Variants in CYP1B1 observed in about 807,000 individuals in gnomAD.
CYP1B1 encodes cytochrome P450 1B1.
A neutral mutation model predicts 29.9 loss-of-function variants in CYP1B1; 22 were observed. The ratio of observed to expected loss-of-function variants is 0.74; its 90% CI spans 0.53 to 1.05. The LOEUF is 1.05. CYP1B1 is among the 50% of genes least tolerant of loss of function. CYP1B1 has a pLI of 0.00. For missense variants in CYP1B1, 883 were observed against 746.9 expected (o/e 1.18, Z -2.12); for synonymous variants, 375 against 320.0 (o/e 1.17, Z -1.83).
chr2:38,068,661 A>C lies in CYP1B1; in HGVS notation c.*2061T>G. On this transcript the variant is annotated 3_prime_UTR_variant, in exon 3 of 3. Transcript: ENST00000610745. ...AATACTGGCATGATTTTTTATATTC[A>C]AGAAGTACAGCTATGAAATTTTAAA... 2 of 225,670 alleles carry C rather than the reference A, an allele frequency of 8.9e-6. No homozygotes were observed. Among genetic ancestry groups the C allele is most frequent in the Non-Finnish European group, 1.8e-5 (2 of 112,944 alleles). 14.0% of individuals were successfully genotyped at this position (225,670 alleles called of 1,614,324 possible). A position where few individuals can be genotyped will look rare whatever the true frequency, so the allele number is the denominator to read the frequency against.
At position 38,068,436 on chromosome 2, in the gene CYP1B1, G is replaced by A. The variant is rs1400107998; in HGVS notation, c.*2286C>T. ...AACAGATTATAGCACATCTGGACCT[G>A]GTTGACATAATGAGGCATCCAGATT... On this transcript the variant is annotated 3_prime_UTR_variant, in exon 3 of 3. Transcript: ENST00000610745. 4.4e-6 allele frequency: 1 copy of A among 226,702 alleles called. No homozygotes were observed. Among genetic ancestry groups the A allele is most frequent in the African/African-American group, 2.2e-5 (1 of 44,870 alleles). The allele number at this position is 226,702 out of a possible 1,614,324, so 14.0% of individuals were successfully genotyped here.
intron 1 of CYP1B1, 36 bp from the exon 2 acceptor site, chr2:38,075,425 G>T (rs773781721): frequency 1.3e-5 from 21 of 1,602,568 alleles, no homozygotes; most frequent in Middle Eastern, 2.2e-4. Flanking sequence ...ACACTCAGGG[G>T]TGCAGAGACA....
At chr2:38,072,087 A>G (rs1291563775) in intron 2 of CYP1B1, among the ~76,000 whole-genome samples, 1 of 152,260 alleles carries the variant, frequency 6.6e-6, no homozygotes, top group African/African-American at 2.4e-5. Context: ...TCTTTTTAAA[A>G]AACAAAATCT....
Position 38,068,011 on chromosome 2 carries a change from T to C in CYP1B1, c.*2711A>G, listed in dbSNP as rs1162818833. On this transcript the variant is annotated 3_prime_UTR_variant, in exon 3 of 3. Transcript: ENST00000610745. The stretch of plus-strand genomic sequence containing the variant: ...CTAAGTTCTGGGACATGAAAGCTTT[T>C]AGAAAATTCACAAAACAAACCTGAG... The C allele has an allele frequency of 5.0e-6, 1 of 199,412 alleles. No individual in the cohort carries two copies. The highest frequency in any genetic ancestry group is 1.0e-5 in the Non-Finnish European group (1 of 96,278). 12.4% of individuals were successfully genotyped at this position (199,412 alleles called of 1,614,324 possible). A position where few individuals can be genotyped will look rare whatever the true frequency, so the allele number is the denominator to read the frequency against.
chr2:38,071,447 T>TG, intron 2 of CYP1B1, 137 bp from the exon 3 acceptor site: 1 of 817,976 alleles, frequency 1.2e-6, no homozygotes. Context: ...TTAATATTTC[T>TG]GGGAAAAAAA....
rs1243178395 is a variant in CYP1B1, at chr2:38,075,056, G to A, written c.333C>T (p.Gly111=). The A allele has an allele frequency of 6.3e-7, 1 of 1,586,070 alleles. No individual in the cohort carries two copies. The highest frequency in any genetic ancestry group is 1.1e-5 in the South Asian group (1 of 89,188). The stretch of plus-strand genomic sequence containing the variant: ...AGGCCGGCCGGTCGGCGAAGGCCGA[G>A]CCCTGCTGCACCAGGGCCTGGTGGA... ...RAIHQALVQQ[G]SAFADRPAFA... The change falls in exon 2 of 3, where the codon GGC becomes GGT. Residue 111 remains glycine (G), a synonymous_variant. Transcript: ENST00000610745.
At position 38,075,074 on chromosome 2, in the gene CYP1B1, C is replaced by T; in HGVS notation, c.315G>A (p.Gln105=). ...AGGCCGAGCCCTGCTGCACCAGGGC[C>T]TGGTGGATGGCGCGCTCGCCATTCA... ...VVLNGERAIH[Q]ALVQQGSAFA... is the part of the protein sequence containing the mutation. The change falls in exon 2 of 3, where the codon CAG becomes CAA. Residue 105 remains glutamine, a synonymous_variant. Coordinates refer to ENST00000610745, the MANE Select transcript of CYP1B1 (RefSeq NM_000104.4). The T allele has an allele frequency of 6.3e-7, 1 of 1,583,166 alleles. No homozygotes were observed.
rs1328581621 is a variant in CYP1B1 at position 38,074,693 on chromosome 2, C to T, written c.696G>A (p.Gly232=). Residue 232 remains glycine, a synonymous_variant, in exon 2 of 3, where the codon GGG becomes GGA. Transcript: ENST00000610745. The part of the protein sequence containing the change: ...RELLSHNEEF[G]RTVGAGSLVD... ...CCAGGCTGCCCGCGCCCACCGTGCGCCCGAACTCTTCGTTGTGGCTGAGCA... is the reference window on the plus strand; with the variant it reads ...CCAGGCTGCCCGCGCCCACCGTGCGTCCGAACTCTTCGTTGTGGCTGAGCA... 1 of 1,612,626 alleles carries T rather than the reference C, an allele frequency of 6.2e-7. No individual in the cohort carries two copies. The highest frequency in any genetic ancestry group is 1.3e-5 in the African/African-American group (1 of 74,948).
chr2:38,068,688 T>C lies in CYP1B1; in HGVS notation c.*2034A>G. ...GAAGTACAGCTATGAAATTTTAAAA[T>C]AAAATTACATGAAGTTTTTTAATAT... is the stretch of plus-strand genomic sequence containing the variant. On this transcript the variant is annotated 3_prime_UTR_variant, in exon 3 of 3. Coordinates refer to ENST00000610745, the MANE Select transcript of CYP1B1 (RefSeq NM_000104.4). 4.5e-6 allele frequency: 1 copy of C among 224,116 alleles called. No individual in the cohort carries two copies. The highest frequency in any genetic ancestry group is 8.9e-6 in the Non-Finnish European group (1 of 111,878). The allele number at this position is 224,116 out of a possible 1,614,324, so 13.9% of individuals were successfully genotyped here. A position where few individuals can be genotyped will look rare whatever the true frequency, so the allele number is the denominator to read the frequency against.
At position 38,068,126 on chromosome 2, in the gene CYP1B1, T is replaced by C; in HGVS notation, c.*2596A>G. The C allele has an allele frequency of 4.8e-6, 1 of 207,258 alleles. No homozygotes were observed. The highest frequency in any genetic ancestry group is 7.4e-5 in the East Asian group (1 of 13,604). 12.8% of individuals were successfully genotyped at this position (207,258 alleles called of 1,614,324 possible). ...GCATTTAATAAACATTATACTTTATTGCAATAACCTGGAGTAAAACTTCTG... is the reference window on the plus strand; with the variant it reads ...GCATTTAATAAACATTATACTTTATCGCAATAACCTGGAGTAAAACTTCTG... On this transcript the variant is annotated 3_prime_UTR_variant, in exon 3 of 3. Transcript: ENST00000610745.
rs973495853 is a variant in CYP1B1 at position 38,069,495 on chromosome 2, C to T, written c.*1227G>A. 1.0e-5 allele frequency: 2 copies of T among 199,554 alleles called. No individual in the cohort carries two copies. The highest frequency in any genetic ancestry group is 4.6e-5 in the African/African-American group (2 of 43,418). 12.4% of individuals were successfully genotyped at this position (199,554 alleles called of 1,614,324 possible). On this transcript the variant is annotated 3_prime_UTR_variant, in exon 3 of 3. Transcript: ENST00000610745. ...AAAATTTAGTTAAAATTTAAGCATG[C>T]CATGAATTTGGAATTTTAATATATT... is the stretch of plus-strand genomic sequence containing the variant.
chr2:38,070,518 A>AG lies in CYP1B1; in HGVS notation c.*203_*204insC. ...CCCTTTAAGTCTTTGACTCAAAAAA[A>AG]TCTCCCAGAAGCTCCTGCATAGCCC... On this transcript the variant is annotated 3_prime_UTR_variant, in exon 3 of 3. Transcript: ENST00000610745. 1.0e-5 allele frequency: 6 copies of AG among 596,396 alleles called. No individual in the cohort carries two copies. The South Asian group carries it at 1.0e-4, about 10-fold the overall frequency. The allele number at this position is 596,396 out of a possible 1,614,324, so 36.9% of individuals were successfully genotyped here. A position where few individuals can be genotyped will look rare whatever the true frequency, so the allele number is the denominator to read the frequency against.
chr2:38,068,918 C>T lies in CYP1B1; in HGVS notation c.*1804G>A, dbSNP rs574973848. The T allele has an allele frequency of 3.5e-5, 8 of 228,358 alleles. No individual in the cohort carries two copies. In the South Asian group the frequency reaches 1.3e-3, roughly 36 times the overall value. The allele number at this position is 228,358 out of a possible 1,614,324, so 14.1% of individuals were successfully genotyped here. A position where few individuals can be genotyped will look rare whatever the true frequency, so the allele number is the denominator to read the frequency against. On this transcript the variant is annotated 3_prime_UTR_variant, in exon 3 of 3. Transcript: ENST00000610745. ...TCTCTCTTTTCTCTTACCATCCCCC[C>T]ACCCCACACACACATACACACAACT...
In CYP1B1 at chr2:38,074,554, G is replaced by C; in HGVS notation, c.835C>G (p.His279Asp). The change falls in exon 2 of 3, where the codon CAC becomes GAC. Residue 279 changes from histidine to aspartate, a missense_variant. By Grantham distance (81) the His-to-Asp change is moderately conservative (BLOSUM62 -1). Transcript: ENST00000610745. ...SNFILDKFLR[H>D]CESLRPGAAP... ...GCCCCGGGCCGAAGGCTTTCGCAGT[G>C]CCTCAAGAACTTGTCCAGGATGAAG... is the stretch of plus-strand genomic sequence containing the variant. The C allele has an allele frequency of 6.2e-7, 1 of 1,609,496 alleles. No individual in the cohort carries two copies. The highest frequency in any genetic ancestry group is 1.1e-5 in the South Asian group (1 of 90,300).
In CYP1B1 at chr2:38,070,126, G is replaced by A. The variant is rs766678894; in HGVS notation, c.*596C>T. The stretch of plus-strand genomic sequence containing the variant: ...TAAAAGTAAGGAAGTATACCAGAAG[G>A]CAAAAGGATAAATCCACCCATAAAT... On this transcript the variant is annotated 3_prime_UTR_variant, in exon 3 of 3. Transcript: ENST00000610745. The A allele has an allele frequency of 1.8e-5, 4 of 219,324 alleles. No individual in the cohort carries two copies. Among genetic ancestry groups the A allele is most frequent in the Non-Finnish European group, 3.7e-5 (4 of 109,306 alleles). The allele number at this position is 219,324 out of a possible 1,614,324, so 13.6% of individuals were successfully genotyped here.
rs549530862 is a variant in CYP1B1, at chr2:38,070,705, A to T, written c.*17T>A. 5.1e-5 allele frequency: 82 copies of T among 1,607,594 alleles called. No homozygotes were observed. In the South Asian group the frequency reaches 8.7e-4, roughly 17 times the overall value. The stretch of plus-strand genomic sequence containing the variant: ...AAGATGTGAATATTTCTAAAATTTC[A>T]GCTTGCCTCTTGCTTCTTATTGGCA... On this transcript the variant is annotated 3_prime_UTR_variant, in exon 3 of 3. Transcript: ENST00000610745.
chr2:38,069,262 T>C lies in CYP1B1; in HGVS notation c.*1460A>G, dbSNP rs137915099. ...AAAAAGCAGGCATTAATGTTAACTT[T>C]CAAAAAATCATCTAGAAGAGAAACT... On this transcript the variant is annotated 3_prime_UTR_variant, in exon 3 of 3. Coordinates refer to ENST00000610745, the MANE Select transcript of CYP1B1 (RefSeq NM_000104.4). 1.4e-3 allele frequency: 309 copies of C among 221,752 alleles called. 1 individual carries two copies. The highest frequency in any genetic ancestry group is 6.1e-3 in the African/African-American group (273 of 44,892). The allele number at this position is 221,752 out of a possible 1,614,324, so 13.7% of individuals were successfully genotyped here. A position where few individuals can be genotyped will look rare whatever the true frequency, so the allele number is the denominator to read the frequency against.
chr2:38,071,573 C>CTT (rs1268593969), intron 2 of CYP1B1, among the ~76,000 whole-genome samples: 1 of 152,148 alleles, frequency 6.6e-6, no homozygotes, highest in Non-Finnish European at 1.5e-5. Flanking sequence ...TCAAAAAACT[C>CTT]TTAAGTTTTC....
Position 38,071,127 on chromosome 2 carries a change from G to C in CYP1B1, c.1227C>G (p.Val409=), listed in dbSNP as rs776212230. The C allele has an allele frequency of 6.2e-7, 1 of 1,613,830 alleles. No individual in the cohort carries two copies. Among genetic ancestry groups the C allele is most frequent in the Non-Finnish European group, 8.5e-7 (1 of 1,179,714 alleles). ...TGTCCTTGGGAATGTGGTAGCCCAA[G>C]ACAGAGGTGTTGGCAGTGGTGGCAT... is the stretch of plus-strand genomic sequence containing the variant. ...IPHATTANTS[V]LGYHIPKDTV... is the part of the protein sequence containing the mutation. The change falls in exon 3 of 3, where the codon GTC becomes GTG. Residue 409 remains valine (V), a synonymous_variant. Transcript: ENST00000610745.
Sources: allele counts gnomAD v4.1 joint callset (sites outside exome capture counted in the v4.1 genomes callset), GRCh38; gene constraint gnomAD v4.1.1; transcripts MANE v1.5; gene names NCBI Gene and HGNC (gene_info 2026-07-23, HGNC 2026-07-21).